The following NRG3 variants were observed in gnomAD, a reference collection of about 807,000 sequenced individuals.
NRG3 encodes neuregulin 3.
In NRG3, 31 loss-of-function variants were observed where a neutral mutation model predicts 66.9. That is an observed-to-expected ratio of 0.46 (90% CI 0.35 to 0.63). The LOEUF (loss-of-function observed/expected upper bound fraction) is 0.63. Ranked by LOEUF, NRG3 falls within the 20% of genes least tolerant of loss-of-function variation. NRG3 has a pLI of 0.00. For synonymous variants in NRG3, 393 were observed against 359.4 expected, an observed-to-expected ratio of 1.09 and a Z score of -1.06; for missense variants, 910 against 878.9, an observed-to-expected ratio of 1.04 and a Z score of -0.45.
intron 4 of NRG3, among the ~76,000 whole-genome samples, chr10:82,941,608 A>G (rs1165915986): frequency 1.3e-5 from 2 of 152,224 alleles, no homozygotes; most frequent in East Asian, 3.8e-4. Context: ...TAAAATGAGG[A>G]CAAAAAAGTC....
chr10:82,942,787 G>A (rs1295325425), intron 4 of NRG3, among the ~76,000 whole-genome samples: 1 of 152,064 alleles, frequency 6.6e-6, no homozygotes. Flanking sequence ...TCTTTACCAA[G>A]AAAATGGAAG....
At chr10:82,428,523 T>A (rs753987177) in intron 2 of NRG3, among the ~76,000 whole-genome samples, 1 of 152,040 alleles carries the variant, frequency 6.6e-6, no homozygotes, top group South Asian at 2.1e-4. Flanking sequence ...ATTTCCTAAA[T>A]GTCCTTTAGT....
chr10:82,046,872 T>G (rs1306075643), intron 1 of NRG3, among the ~76,000 whole-genome samples: 1 of 135,434 alleles, frequency 7.4e-6, no homozygotes, highest in Non-Finnish European at 1.6e-5. Flanking sequence ...GGATTACATT[T>G]ATCGATTTGT....
intron 4 of NRG3, among the ~76,000 whole-genome samples, chr10:82,902,597 C>G (rs918315774): frequency 3.3e-5 from 5 of 151,918 alleles, no homozygotes; most frequent in Non-Finnish European, 7.4e-5. Flanking sequence ...ATCTTCAGGG[C>G]CTAATAACTT....
intron 3 of NRG3, among the ~76,000 whole-genome samples, chr10:82,833,739 A>G (rs1046827833): frequency 3.9e-5 from 6 of 152,202 alleles, no homozygotes; most frequent in African/African-American, 1.4e-4. Context: ...ACGTGCCATG[A>G]CACACACATT....
At chr10:82,355,812 T>A (rs555599966) in intron 1 of NRG3, among the ~76,000 whole-genome samples, 79 of 152,294 alleles carry the variant, frequency 5.2e-4, no homozygotes, top group Non-Finnish European at 1.0e-3. Flanking sequence ...TATAGTAAAA[T>A]GCATAGGTAT....
At chr10:82,123,280 A>G (rs1344426724) in intron 1 of NRG3, among the ~76,000 whole-genome samples, 1 of 152,138 alleles carries the variant, frequency 6.6e-6, no homozygotes, top group African/African-American at 2.4e-5. Context: ...TTTCCCCTGA[A>G]CTTCAGAGAC....
intron 5 of NRG3, 62 bp from the exon 6 acceptor site, chr10:82,958,887 C>T (rs754316489): frequency 6.8e-7 from 1 of 1,465,674 alleles, no homozygotes; most frequent in Non-Finnish European, 9.0e-7. Context: ...TGAATGAGAC[C>T]CTGAAAGTAG....
chr10:82,472,767 C>T (rs995190900), intron 2 of NRG3, among the ~76,000 whole-genome samples: 1 of 152,212 alleles, frequency 6.6e-6, no homozygotes, highest in African/African-American at 2.4e-5. Flanking sequence ...TTACTTTAAA[C>T]TCCACTTTAA....
At chr10:82,640,226 AC>A (rs2050476718) in intron 2 of NRG3, among the ~76,000 whole-genome samples, 1 of 152,234 alleles carries the variant, frequency 6.6e-6, no homozygotes, top group African/African-American at 2.4e-5. Context: ...TCATTGCAGC[AC>A]TATTCACAAT....
At chr10:82,604,637 GA>G (rs1313123601) in intron 2 of NRG3, among the ~76,000 whole-genome samples, 2 of 152,004 alleles carry the variant, frequency 1.3e-5, no homozygotes, top group African/African-American at 2.4e-5. Flanking sequence ...TGGTACTGGA[GA>G]AATAAGAGAC....
chr10:82,241,325 C>G (rs1323842078), intron 1 of NRG3, among the ~76,000 whole-genome samples: 1 of 152,124 alleles, frequency 6.6e-6, no homozygotes, highest in Non-Finnish European at 1.5e-5. Context: ...CTTTGAGAAT[C>G]TAGCTGAATT....
At chr10:82,829,607 C>T (rs1259559947) in intron 3 of NRG3, among the ~76,000 whole-genome samples, 1 of 152,066 alleles carries the variant, frequency 6.6e-6, no homozygotes. Context: ...AGGCTTTTGA[C>T]TCATGGTCTG....
chr10:82,662,762 A>G (rs1419271799), intron 2 of NRG3, among the ~76,000 whole-genome samples: 1 of 152,184 alleles, frequency 6.6e-6, no homozygotes, highest in Non-Finnish European at 1.5e-5. Flanking sequence ...GGGTAGAAGT[A>G]CATCTCTCCC....
intron 2 of NRG3, among the ~76,000 whole-genome samples, chr10:82,643,317 T>A (rs1171535491): frequency 2.0e-5 from 3 of 150,890 alleles, no homozygotes; most frequent in Non-Finnish European, 4.4e-5. Context: ...AAAAGGAGAG[T>A]TTCCCTGCAG....
At chr10:82,340,150 A>G (rs2082606335) in intron 1 of NRG3, among the ~76,000 whole-genome samples, 1 of 152,152 alleles carries the variant, frequency 6.6e-6, no homozygotes, top group Non-Finnish European at 1.5e-5. Flanking sequence ...CTAGTGTTAG[A>G]GTTAGTCCTG....
chr10:82,197,045 A>G (rs1039497425), intron 1 of NRG3, among the ~76,000 whole-genome samples: 3 of 152,188 alleles, frequency 2.0e-5, no homozygotes, highest in Admixed American at 2.0e-4. Flanking sequence ...TGTACATGTT[A>G]AGCGTTTAAG....
At chr10:82,215,290 G>A (rs1178000458) in intron 1 of NRG3, among the ~76,000 whole-genome samples, 1 of 152,026 alleles carries the variant, frequency 6.6e-6, no homozygotes, top group Non-Finnish European at 1.5e-5. Flanking sequence ...GGAACAATAT[G>A]GCTTTTATAA....
At chr10:82,965,695 C>A (rs1040582759) in intron 6 of NRG3, among the ~76,000 whole-genome samples, 1 of 152,152 alleles carries the variant, frequency 6.6e-6, no homozygotes, top group Non-Finnish European at 1.5e-5. Flanking sequence ...GAGATCAAGA[C>A]ACTGCACTCC....
Sources: gnomAD v4.1 joint callset for allele counts (sites outside exome capture counted in the v4.1 genomes callset) on GRCh38, gnomAD v4.1.1 for gene constraint, MANE v1.5 for transcripts, NCBI Gene and HGNC (gene_info 2026-07-23, HGNC 2026-07-21) for gene names.